The following GBA1 variants were observed in gnomAD, a reference collection of about 807,000 sequenced individuals.
The protein encoded by GBA1 is lysosomal acid glucosylceramidase.
At chr1:155,236,161 C>G in the GBA1 span, 7 of 1,206,244 alleles carry the variant, frequency 5.8e-6, no homozygotes, top group Non-Finnish European at 7.3e-6. Flanking sequence ...GAAAGCTGGA[C>G]AGGAAGGGCT....
chr1:155,238,001 A>C, the GBA1 span: 34 of 967,618 alleles, frequency 3.5e-5, no homozygotes, highest in Non-Finnish European at 5.5e-5. Context: ...CCAAGGCTGA[A>C]AGGCCCAGAA....
At chr1:155,237,962 G>A in the GBA1 span, 1 of 736,474 alleles carries the variant, frequency 1.4e-6, no homozygotes, top group Non-Finnish European at 2.3e-6. Context: ...AGAACAGGAA[G>A]CCTGATGGAG....
the GBA1 span, chr1:155,237,576 A>T: frequency 2.4e-5 from 39 of 1,613,430 alleles, no homozygotes; most frequent in Non-Finnish European, 3.1e-5. Context: ...GGCATCCAGG[A>T]ACCTGGCAAG....
the GBA1 span, among the ~76,000 whole-genome samples, chr1:155,241,854 C>T: frequency 6.6e-6 from 1 of 152,174 alleles, no homozygotes; most frequent in Non-Finnish European, 1.5e-5. Flanking sequence ...GTGGTCAGTG[C>T]GGCTCCTCTG....
At chr1:155,241,198 T>G in the GBA1 span, 1 of 1,310,524 alleles carries the variant, frequency 7.6e-7, no homozygotes. Flanking sequence ...AAAACAAGGA[T>G]GCAGGTACCT....
chr1:155,236,789 A>G, the GBA1 span, among the ~76,000 whole-genome samples: 243 of 151,482 alleles, frequency 1.6e-3, no homozygotes, highest in African/African-American at 5.4e-3. Flanking sequence ...GTGTGTGTGT[A>G]TATATATATA....
At chr1:155,238,019 A>G in the GBA1 span, 1 of 1,116,774 alleles carries the variant, frequency 9.0e-7, no homozygotes, top group South Asian at 1.3e-5. Flanking sequence ...GAAGGTAGAA[A>G]GGTGAGCTGA....
the GBA1 span, chr1:155,235,820 A>C: frequency 1.9e-6 from 3 of 1,614,234 alleles, no homozygotes; most frequent in Non-Finnish European, 1.7e-6. Flanking sequence ...CAGTCGGTCC[A>C]GCCGACCACA....
the GBA1 span, chr1:155,240,696 T>C: frequency 1.6e-5 from 26 of 1,613,686 alleles, no homozygotes; most frequent in Non-Finnish European, 2.1e-5. Flanking sequence ...ATGCTTACCC[T>C]ACTCAAAGGC....
the GBA1 span, chr1:155,238,636 T>C: frequency 1.2e-6 from 2 of 1,613,628 alleles, no homozygotes; most frequent in Non-Finnish European, 8.5e-7. Context: ...ACCCGGATGA[T>C]GTTATATCCG....
At chr1:155,241,062 C>T in the GBA1 span, 7 of 1,606,050 alleles carry the variant, frequency 4.4e-6, no homozygotes, top group Non-Finnish European at 6.0e-6. Context: ...TGTGACAATG[C>T]TGATTGGGAG....
At chr1:155,243,625 T>A in the GBA1 span, among the ~76,000 whole-genome samples, 6 of 152,234 alleles carry the variant, frequency 3.9e-5, no homozygotes, top group South Asian at 1.2e-3. Flanking sequence ...CCACCACACC[T>A]GGCTAATTTC....
At chr1:155,239,526 T>G in the GBA1 span, 155 of 1,391,198 alleles carry the variant, frequency 1.1e-4, no homozygotes, top group Middle Eastern at 2.4e-4. Flanking sequence ...ATGGGCAGAG[T>G]GAGATTCTGC....
the GBA1 span, among the ~76,000 whole-genome samples, chr1:155,243,781 G>GTT: frequency 6.9e-6 from 1 of 145,276 alleles, no homozygotes. Flanking sequence ...TTTTTGTTTT[G>GTT]TTTTTTTTTT....
At chr1:155,240,337 G>A in the GBA1 span, 6 of 601,354 alleles carry the variant, frequency 1.0e-5, no homozygotes, top group Admixed American at 2.9e-5. Flanking sequence ...AGTGGTGGCC[G>A]CCTGTAATCC....
chr1:155,242,994 C>T, the GBA1 span, among the ~76,000 whole-genome samples: 1 of 152,196 alleles, frequency 6.6e-6, no homozygotes, highest in Non-Finnish European at 1.5e-5. Flanking sequence ...CACTCTAAGC[C>T]TCTGTTTCAT....
chr1:155,244,113 T>C, the GBA1 span: 2 of 152,230 alleles, frequency 1.3e-5, no homozygotes, highest in African/African-American at 2.4e-5. Flanking sequence ...ATAATAATGA[T>C]GGTTGGCCGG....
the GBA1 span, chr1:155,241,054 T>C: frequency 6.3e-7 from 1 of 1,596,056 alleles, no homozygotes; most frequent in African/African-American, 1.3e-5. Context: ...AGAAGCACTG[T>C]GACAATGCTG....
chr1:155,235,130 G>A, the GBA1 span: 8 of 1,417,576 alleles, frequency 5.6e-6, no homozygotes, highest in Non-Finnish European at 7.9e-6. Context: ...AGCTGAGAGT[G>A]TGATCCTGCC....
Sources: gnomAD v4.1 joint callset for allele counts (sites outside exome capture counted in the v4.1 genomes callset) on GRCh38, gnomAD v4.1.1 for gene constraint, MANE v1.5 for transcripts, NCBI Gene and HGNC (gene_info 2026-07-23, HGNC 2026-07-21) for gene names.